CNTN6: variants seen among roughly 807,000 people sequenced by gnomAD.
The protein encoded by CNTN6 is contactin-6.
Under a neutral mutation model 122.8 loss-of-function variants are expected in CNTN6, and 137 were observed. That is an observed-to-expected ratio of 1.12 (90% CI 0.97 to 1.29). CNTN6 has a LOEUF of 1.29. Ranked by LOEUF, CNTN6 falls within the 50% of genes most tolerant of loss-of-function variation. CNTN6 has a pLI of 0.00. For missense variants in CNTN6, 1,634 were observed against 1,223.4 expected (o/e 1.34, Z -5.01); for synonymous variants, 570 against 426.0 (o/e 1.34, Z -4.16).
intron 12 of CNTN6, 26 bp from the exon 13 acceptor site, chr3:1,372,273 T>TA (rs1480425780): frequency 1.3e-6 from 2 of 1,565,960 alleles, no homozygotes; most frequent in Non-Finnish European, 1.7e-6. Flanking sequence ...TCATAAGCTT[T>TA]AAAAAATAAT....
intron 2 of CNTN6, among the ~76,000 whole-genome samples, chr3:1,151,941 C>G (rs547593543): frequency 6.6e-6 from 1 of 152,020 alleles, no homozygotes. Context: ...AGACTAAGAA[C>G]GTTTATTCTC....
chr3:1,267,935 C>T (rs1390379001), intron 4 of CNTN6, among the ~76,000 whole-genome samples: 5 of 152,132 alleles, frequency 3.3e-5, no homozygotes, highest in African/African-American at 1.2e-4. Flanking sequence ...ACCTTGATGA[C>T]TTTCCCACAT....
At chr3:1,203,402 A>G (rs1210185694) in intron 2 of CNTN6, among the ~76,000 whole-genome samples, 1 of 152,228 alleles carries the variant, frequency 6.6e-6, no homozygotes, top group Non-Finnish European at 1.5e-5. Context: ...TAATCAGGCT[A>G]GTTTCACAAA....
intron 2 of CNTN6, among the ~76,000 whole-genome samples, chr3:1,220,480 A>G (rs1173281006): frequency 6.6e-6 from 1 of 152,178 alleles, no homozygotes. Context: ...GTTTGTTGGA[A>G]ATATAAACTA....
intron 2 of CNTN6, among the ~76,000 whole-genome samples, chr3:1,156,045 A>G (rs765873595): frequency 6.6e-6 from 1 of 152,192 alleles, no homozygotes; most frequent in South Asian, 2.1e-4. Flanking sequence ...AATTAATTCA[A>G]TTCTACCTGT....
chr3:1,288,018 C>T (rs910028903), intron 5 of CNTN6, among the ~76,000 whole-genome samples: 2 of 152,066 alleles, frequency 1.3e-5, no homozygotes, highest in African/African-American at 2.4e-5. Context: ...TCTTGAATCC[C>T]TTCCTGTGAG....
At chr3:1,323,310 C>G (rs1380002247) in intron 8 of CNTN6, among the ~76,000 whole-genome samples, 1 of 151,712 alleles carries the variant, frequency 6.6e-6, no homozygotes, top group African/African-American at 2.4e-5. Context: ...AAGATCAGAA[C>G]CTTGAAATGT....
At chr3:1,125,249 T>C (rs1161204339) in intron 1 of CNTN6, among the ~76,000 whole-genome samples, 2 of 151,978 alleles carry the variant, frequency 1.3e-5, no homozygotes, top group African/African-American at 4.8e-5. Context: ...TTTTTAAAAA[T>C]TCTCAAATGT....
chr3:1,305,247 G>A (rs1559769878), intron 7 of CNTN6, among the ~76,000 whole-genome samples: 1 of 152,152 alleles, frequency 6.6e-6, no homozygotes, highest in Non-Finnish European at 1.5e-5. Flanking sequence ...AGAAGAACAG[G>A]TGAAGTGTTT....
intron 2 of CNTN6, among the ~76,000 whole-genome samples, chr3:1,212,321 C>T (rs2125479957): frequency 6.7e-6 from 1 of 148,334 alleles, no homozygotes; most frequent in East Asian, 2.0e-4. Flanking sequence ...GTCTTGGCCT[C>T]CCAAAGTGTG....
At chr3:1,264,406 C>G (rs943275737) in intron 4 of CNTN6, among the ~76,000 whole-genome samples, 2 of 152,082 alleles carry the variant, frequency 1.3e-5, no homozygotes, top group African/African-American at 4.8e-5. Context: ...TCTTTGTAAA[C>G]TTATTGAATC....
chr3:1,118,906 C>CT (rs1462173145), intron 1 of CNTN6, among the ~76,000 whole-genome samples: 5 of 152,130 alleles, frequency 3.3e-5, no homozygotes, highest in Non-Finnish European at 7.4e-5. Context: ...CCATTTTCCT[C>CT]TCTCCTTTTT....
intron 17 of CNTN6, among the ~76,000 whole-genome samples, chr3:1,381,754 C>T (rs1426091799): frequency 6.6e-6 from 1 of 152,096 alleles, no homozygotes; most frequent in African/African-American, 2.4e-5. Flanking sequence ...CTCACTGTTC[C>T]TGCTACTCCA....
chr3:1,155,601 G>C (rs2092944989), intron 2 of CNTN6, among the ~76,000 whole-genome samples: 1 of 152,158 alleles, frequency 6.6e-6, no homozygotes, highest in South Asian at 2.1e-4. Context: ...CTTCAGTGTG[G>C]TTTGTTCAGG....
chr3:1,393,412 T>G (rs1267064623), intron 20 of CNTN6, among the ~76,000 whole-genome samples: 1 of 69,816 alleles, frequency 1.4e-5, no homozygotes. Flanking sequence ...TGTGGTGAGG[T>G]GGGGGGAGGG....
At chr3:1,386,071 C>A (rs950259239) in intron 20 of CNTN6, among the ~76,000 whole-genome samples, 49 of 152,172 alleles carry the variant, frequency 3.2e-4, no homozygotes, top group Non-Finnish European at 1.5e-5. Context: ...TGACGCCCTC[C>A]TTCTAAATGC....
intron 2 of CNTN6, among the ~76,000 whole-genome samples, chr3:1,181,993 T>C (rs576700855): frequency 6.6e-6 from 1 of 152,104 alleles, no homozygotes; most frequent in African/African-American, 2.4e-5. Context: ...TCACAGAACA[T>C]CTCTTCATTT....
At chr3:1,255,560 G>A (rs773778253) in intron 4 of CNTN6, among the ~76,000 whole-genome samples, 1 of 152,042 alleles carries the variant, frequency 6.6e-6, no homozygotes, top group South Asian at 2.1e-4. Flanking sequence ...ATTTTGAATT[G>A]TATCCTAGGA....
intron 1 of CNTN6, among the ~76,000 whole-genome samples, chr3:1,096,218 CT>C (rs1190525022): frequency 6.6e-6 from 1 of 151,718 alleles, no homozygotes; most frequent in Admixed American, 6.6e-5. Flanking sequence ...ATGTGACTTG[CT>C]TTTTTTCTGA....
Sources: gnomAD v4.1 joint callset for allele counts (sites outside exome capture counted in the v4.1 genomes callset) on GRCh38, gnomAD v4.1.1 for gene constraint, MANE v1.5 for transcripts, NCBI Gene and HGNC (gene_info 2026-07-23, HGNC 2026-07-21) for gene names.